The following GRM5 variants were observed in gnomAD, a reference collection of about 807,000 sequenced individuals.
GRM5 encodes glutamate metabotropic receptor 5, also known as metabotropic glutamate receptor 5.
GRM5 carries 19 observed loss-of-function variants against 83.1 expected under a neutral mutation model. The ratio of observed to expected loss-of-function variants is 0.23; its 90% CI spans 0.16 to 0.34. GRM5 has a LOEUF of 0.34. Among genes scored for constraint, GRM5 ranks in the 10% least tolerant of loss-of-function variants. The probability of loss-of-function intolerance (pLI) is 1.00; values close to 1 mark genes in which losing one functional copy is unlikely to be tolerated. For missense variants in GRM5, 1,160 were observed against 1,588.3 expected, an observed-to-expected ratio of 0.73 and a Z score of 4.58; for synonymous variants, 675 against 633.6, an observed-to-expected ratio of 1.07 and a Z score of -0.98.
At chr11:89,011,127 G>T (rs1335597512) in intron 2 of GRM5, among the ~76,000 whole-genome samples, 4 of 152,176 alleles carry the variant, frequency 2.6e-5, no homozygotes, top group Non-Finnish European at 5.9e-5. Context: ...CAAAACCTCA[G>T]TTAGCTGTAA....
chr11:88,920,496 C>G (rs967465026), intron 2 of GRM5, among the ~76,000 whole-genome samples: 7 of 149,892 alleles, frequency 4.7e-5, no homozygotes, highest in Non-Finnish European at 7.4e-5. Flanking sequence ...TTATGAGGAA[C>G]TAATACAAAT....
chr11:89,064,942 G>GAGAGAC (rs1159147646), intron 1 of GRM5, among the ~76,000 whole-genome samples: 4 of 36,070 alleles, frequency 1.1e-4, no homozygotes, highest in African/African-American at 6.2e-4. Context: ...GAGAGAGAGG[G>GAGAGAC]AGAGAGAGAT....
intron 4 of GRM5, 56 bp from the exon 5 acceptor site, chr11:88,605,020 T>A: frequency 9.1e-6 from 13 of 1,428,830 alleles, no homozygotes; most frequent in Non-Finnish European, 1.3e-5. Flanking sequence ...CTCGCGACAT[T>A]CCTGGGTACT....
chr11:88,785,613 G>A (rs989942861), intron 3 of GRM5, among the ~76,000 whole-genome samples: 2 of 152,006 alleles, frequency 1.3e-5, no homozygotes, highest in Non-Finnish European at 2.9e-5. Flanking sequence ...ATTATCCTCG[G>A]AGACACAACA....
intron 3 of GRM5, among the ~76,000 whole-genome samples, chr11:88,733,155 T>C (rs1431832931): frequency 6.6e-6 from 1 of 152,042 alleles, no homozygotes; most frequent in African/African-American, 2.4e-5. Context: ...TGAGTATTGA[T>C]GCATTATTCT....
intron 6 of GRM5, among the ~76,000 whole-genome samples, chr11:88,596,776 C>G (rs1465484945): frequency 6.6e-6 from 1 of 152,050 alleles, no homozygotes; most frequent in Non-Finnish European, 1.5e-5. Context: ...ATGATATTTT[C>G]TCACATAGAC....
At chr11:88,685,302 T>C (rs1014165023) in intron 3 of GRM5, among the ~76,000 whole-genome samples, 24 of 152,244 alleles carry the variant, frequency 1.6e-4, no homozygotes, top group Non-Finnish European at 8.8e-5. Context: ...ACTTTGAAAT[T>C]GAGAGAGATG....
intron 3 of GRM5, among the ~76,000 whole-genome samples, chr11:88,790,925 A>G (rs1943161759): frequency 1.3e-5 from 2 of 152,232 alleles, no homozygotes; most frequent in Admixed American, 1.3e-4. Flanking sequence ...CTGGAAATTT[A>G]TAACAGTTAG....
chr11:88,707,651 A>G (rs1941193254), intron 3 of GRM5, among the ~76,000 whole-genome samples: 1 of 152,126 alleles, frequency 6.6e-6, no homozygotes, highest in African/African-American at 2.4e-5. Flanking sequence ...GGATTTTGGT[A>G]TCTGTAGGAA....
At chr11:88,980,099 A>G (rs1373605180) in intron 2 of GRM5, among the ~76,000 whole-genome samples, 2 of 152,172 alleles carry the variant, frequency 1.3e-5, no homozygotes, top group Admixed American at 1.3e-4. Context: ...CGGAGGTTGG[A>G]TTTTGCAGAC....
chr11:88,633,289 T>C (rs1203531047), intron 4 of GRM5, among the ~76,000 whole-genome samples: 16 of 152,204 alleles, frequency 1.1e-4, no homozygotes, highest in Admixed American at 1.0e-3. Flanking sequence ...AGGTAAATTA[T>C]ATAGAAATTC....
chr11:88,841,460 A>G (rs970292897), intron 3 of GRM5, among the ~76,000 whole-genome samples: 2 of 152,186 alleles, frequency 1.3e-5, no homozygotes, highest in African/African-American at 2.4e-5. Context: ...ATTAGACTCT[A>G]AATGTATGCC....
chr11:88,892,683 C>T, intron 2 of GRM5, among the ~76,000 whole-genome samples: 1 of 151,994 alleles, frequency 6.6e-6, no homozygotes. Context: ...TCATTAAATC[C>T]TAGTCACAAT....
intron 2 of GRM5, among the ~76,000 whole-genome samples, chr11:88,896,574 A>T (rs1446853288): frequency 6.6e-6 from 1 of 151,878 alleles, no homozygotes; most frequent in Non-Finnish European, 1.5e-5. Context: ...GAAGCAAAAA[A>T]ATCCCATAAT....
intron 4 of GRM5, among the ~76,000 whole-genome samples, chr11:88,651,463 CATAGA>C (rs1003354050): frequency 6.6e-6 from 1 of 151,982 alleles, no homozygotes; most frequent in Non-Finnish European, 1.5e-5. Context: ...ATTATACAAA[CATAGA>C]ATAGACCACA....
At chr11:88,526,067 G>A (rs191940538) in intron 8 of GRM5, among the ~76,000 whole-genome samples, 132 of 152,296 alleles carry the variant, frequency 8.7e-4, no homozygotes, top group African/African-American at 3.0e-3. Flanking sequence ...TTAGACATTG[G>A]CAATAACAGA....
chr11:88,737,788 C>A (rs929489138), intron 3 of GRM5, among the ~76,000 whole-genome samples: 2 of 152,034 alleles, frequency 1.3e-5, no homozygotes, highest in East Asian at 1.9e-4. Flanking sequence ...ATCTATACTA[C>A]AATATGCATG....
chr11:88,804,165 A>G (rs1841604453), intron 3 of GRM5, among the ~76,000 whole-genome samples: 2 of 151,620 alleles, frequency 1.3e-5, no homozygotes, highest in South Asian at 4.2e-4. Context: ...ATACCATTTG[A>G]CCCAGCCATC....
intron 2 of GRM5, among the ~76,000 whole-genome samples, chr11:88,879,216 A>G (rs1175733223): frequency 1.3e-5 from 2 of 152,092 alleles, no homozygotes; most frequent in Non-Finnish European, 2.9e-5. Context: ...GTGCAAATTG[A>G]ATAGATTAAA....
Sources: allele counts gnomAD v4.1 joint callset (sites outside exome capture counted in the v4.1 genomes callset), GRCh38; gene constraint gnomAD v4.1.1; transcripts MANE v1.5; gene names NCBI Gene and HGNC (gene_info 2026-07-23, HGNC 2026-07-21).